PNPLA7: variants seen among roughly 807,000 people sequenced by gnomAD.
PNPLA7 encodes patatin-like phospholipase domain-containing protein 7.
A neutral mutation model predicts 161.7 loss-of-function variants in PNPLA7; 153 were observed. The ratio of observed to expected loss-of-function variants is 0.95; its 90% CI spans 0.83 to 1.08. PNPLA7 has a LOEUF of 1.08. PNPLA7 is among the 50% of genes least tolerant of loss of function. The pLI is 0.00. For synonymous variants in PNPLA7, 809 were observed against 782.1 expected (o/e 1.03, Z -0.57); for missense variants, 1,739 against 1,856.6 (o/e 0.94, Z 1.16).
At chr9:137,545,960 T>G (rs371093652) in intron 4 of PNPLA7, among the ~76,000 whole-genome samples, 4 of 152,120 alleles carry the variant, frequency 2.6e-5, no homozygotes, top group South Asian at 2.1e-4. Flanking sequence ...AGTTCAGAGA[T>G]GACTCTACCC....
chr9:137,534,817 G>T (rs1248290231), intron 8 of PNPLA7, among the ~76,000 whole-genome samples: 2 of 151,922 alleles, frequency 1.3e-5, no homozygotes, highest in Non-Finnish European at 2.9e-5. Context: ...TCCCCGGGTC[G>T]ATACCCAACC....
intron 14 of PNPLA7, among the ~76,000 whole-genome samples, chr9:137,503,078 T>C (rs1319642307): frequency 1.3e-5 from 2 of 151,962 alleles, no homozygotes; most frequent in Admixed American, 1.3e-4. Flanking sequence ...AATTAAAAAG[T>C]TGTTTAAAGA....
intron 14 of PNPLA7, among the ~76,000 whole-genome samples, chr9:137,505,115 G>C (rs1193174954): frequency 1.3e-5 from 2 of 148,652 alleles, no homozygotes; most frequent in African/African-American, 5.0e-5. Flanking sequence ...TTGAATCCAA[G>C]AGGTGGAGGT....
chr9:137,484,497 C>T (rs964327537), intron 21 of PNPLA7, 90 bp downstream of exon 21: 135 of 1,392,236 alleles, frequency 9.7e-5, no homozygotes, highest in South Asian at 4.8e-4. Flanking sequence ...CCCACCGCCG[C>T]GTCCCCTCGA....
rs912404706 is a variant in PNPLA7, at chr9:137,523,192, G to A, written c.748-335C>T. ...GAGGCTCACGGACCAGCTCACCAGC[G>A]TCCTACTCTACGTCCGACATCAGCG... On this transcript the variant is annotated intron_variant, in intron 8 of 34. Transcript: ENST00000406427. The surrounding 1 kb of genome is among the most constrained non-coding windows in gnomAD (Gnocchi z 4.4). Among the ~76,000 whole-genome samples the A allele has an allele frequency of 9.2e-5, 14 of 152,146 alleles. No individual in the cohort carries two copies. Among genetic ancestry groups the A allele is most frequent in the South Asian group, 2.1e-4 (1 of 4,828 alleles).
chr9:137,497,804 C>T (rs772428777), intron 17 of PNPLA7, among the ~76,000 whole-genome samples: 16 of 152,164 alleles, frequency 1.1e-4, no homozygotes, highest in Non-Finnish European at 1.5e-4. Context: ...TGGGATGACA[C>T]GCGTGAGCCA....
chr9:137,522,863 A>C lies in PNPLA7; in HGVS notation c.748-6T>G. ...TTGTAAGGTGCAGCATGGCCCTGTAACAACAGCTCCATCAGTCCCCACTCT... is the reference window on the plus strand; with the variant it reads ...TTGTAAGGTGCAGCATGGCCCTGTACCAACAGCTCCATCAGTCCCCACTCT... On this transcript the variant is annotated splice_region_variant and splice_polypyrimidine_tract_variant and intron_variant, in intron 8 of 34. Transcript: ENST00000406427. The C allele has an allele frequency of 2.5e-6, 4 of 1,613,070 alleles. No individual in the cohort carries two copies. The highest frequency in any genetic ancestry group is 2.5e-6 in the Non-Finnish European group (3 of 1,179,698).
chr9:137,461,997 G>GC lies in PNPLA7; in HGVS notation c.3689dup (p.Arg1231ProfsTer42), dbSNP rs71493670. The GC allele has an allele frequency of 9.7e-3, 15,602 of 1,603,382 alleles. 89 individuals carry two copies. The highest frequency in any genetic ancestry group is 0.012 in the Non-Finnish European group (14,219 of 1,177,206). The stretch of plus-strand genomic sequence containing the variant: ...GCATCTTCTCCAGCACGCCGCTGCG[G>GC]CCCCAGATGTCAAACACCGTGCGCC... On this transcript the variant is annotated frameshift_variant, in exon 32 of 35. Coordinates refer to ENST00000406427, the MANE Select transcript of PNPLA7 (RefSeq NM_001098537.3). LOFTEE classifies it high-confidence loss of function.
intron 18 of PNPLA7, among the ~76,000 whole-genome samples, chr9:137,496,790 G>GC (rs1258307998): frequency 2.0e-5 from 3 of 152,200 alleles, no homozygotes; most frequent in Non-Finnish European, 4.4e-5. Context: ...GAGCTGGGCA[G>GC]CCCCCCACTC....
chr9:137,521,920 G>A (rs894317265), intron 9 of PNPLA7, among the ~76,000 whole-genome samples: 1 of 152,186 alleles, frequency 6.6e-6, no homozygotes, highest in African/African-American at 2.4e-5. Context: ...GGGACAAGGG[G>A]CACATGAAGA....
Position 137,499,322 on chromosome 9 carries a change from A to G in PNPLA7, c.1758-1077T>C, listed in dbSNP as rs34235661. Among the ~76,000 whole-genome samples, 4,364 of 151,476 alleles carry G rather than the reference A, an allele frequency of 0.029. 84 individuals carry two copies. Among genetic ancestry groups the G allele is most frequent in the Middle Eastern group, 0.048 (14 of 290 alleles). On this transcript the variant is annotated intron_variant, in intron 16 of 34. Transcript: ENST00000406427. This position sits in a 1 kb window ranked among gnomAD's most constrained non-coding sequence, Gnocchi z 5.5. ...CACATGCAGACACATGGAGACACACAGAGACACACGCAGACACACGACACA... is the reference window on the plus strand; with the variant it reads ...CACATGCAGACACATGGAGACACACGGAGACACACGCAGACACACGACACA...
chr9:137,462,880 C>G (rs1192741537), intron 29 of PNPLA7, 47 bp from the exon 30 acceptor site: 2 of 1,604,294 alleles, frequency 1.2e-6, no homozygotes, highest in Admixed American at 1.7e-5. Flanking sequence ...GCATGCAGAG[C>G]CAGGGGACGG....
chr9:137,475,806 C>A (rs184212833), intron 25 of PNPLA7, among the ~76,000 whole-genome samples: 10 of 152,248 alleles, frequency 6.6e-5, no homozygotes, highest in Admixed American at 6.5e-4. Flanking sequence ...GGAACCATGC[C>A]TTAAAATTCT....
In PNPLA7 at chr9:137,460,677, T is replaced by C. The variant is rs144637358; in HGVS notation, c.3902A>G (p.Tyr1301Cys). The change falls in exon 34 of 35, where the codon TAC becomes TGC. Residue 1301 changes from tyrosine (Y) to cysteine (C), a missense_variant. Physicochemically the swap from Tyr to Cys is radical, Grantham distance 194. Around this residue, in one of 6 missense-constraint regions of PNPLA7, gnomAD observed 703 missense variants for 694.6 expected, o/e 1.01. Transcript: ENST00000406427. ...EELLDVPRDA[Y>C]ADFQSTSAQQ... is the part of the protein sequence containing the mutation. ...GGCTGAGGTGCTCTGGAAGTCTGCG[T>C]ATGCATCCCTGGGGACGTCCAGCAG... 22 of 1,612,734 alleles carry C rather than the reference T, an allele frequency of 1.4e-5. No homozygotes were observed. The highest frequency in any genetic ancestry group is 1.6e-4 in the Middle Eastern group (1 of 6,080).
At chr9:137,534,906 G>A (rs9314659) in intron 8 of PNPLA7, among the ~76,000 whole-genome samples, 1 of 139,112 alleles carries the variant, frequency 7.2e-6, no homozygotes, top group African/African-American at 3.2e-5. Context: ...CTCGAACCGC[G>A]CGTTCTAACA....
At chr9:137,498,938 G>A (rs1460236581) in intron 16 of PNPLA7, among the ~76,000 whole-genome samples, 4 of 152,184 alleles carry the variant, frequency 2.6e-5, no homozygotes, top group South Asian at 4.1e-4. Flanking sequence ...AAGAGCAAAC[G>A]TGGAATCAGG....
In PNPLA7 at chr9:137,527,051, G is replaced by A. The variant is rs546120523; in HGVS notation, c.748-4194C>T. ...TGGGAGGCCGAGGCAGGTAGATCAC[G>A]AGGTCAGGAATTCAAGACCAGCCTG... On this transcript the variant is annotated intron_variant, in intron 8 of 34. Coordinates refer to ENST00000406427, the MANE Select transcript of PNPLA7 (RefSeq NM_001098537.3). 5.3e-5 allele frequency among the ~76,000 whole-genome samples: 8 copies of A among 152,062 alleles called. No individual in the cohort carries two copies. The South Asian group carries it at 8.3e-4, about 16-fold the overall frequency.
intron 25 of PNPLA7, among the ~76,000 whole-genome samples, chr9:137,471,053 G>A (rs138096654): frequency 6.6e-6 from 1 of 152,360 alleles, no homozygotes; most frequent in Non-Finnish European, 1.5e-5. Flanking sequence ...CCACAGTGCA[G>A]CGGTGGTTCC....
intron 25 of PNPLA7, among the ~76,000 whole-genome samples, chr9:137,473,602 A>G (rs757865595): frequency 1.3e-5 from 2 of 152,250 alleles, no homozygotes; most frequent in Non-Finnish European, 2.9e-5. Flanking sequence ...CCTTCGATAC[A>G]ATAGTAAAAG....
Sources: allele counts gnomAD v4.1 joint callset (sites outside exome capture counted in the v4.1 genomes callset), GRCh38; gene constraint gnomAD v4.1.1; regional missense constraint gnomAD v4.1.1; non-coding constraint Gnocchi (gnomAD v3.1); transcripts MANE v1.5; gene names NCBI Gene and HGNC (gene_info 2026-07-23, HGNC 2026-07-21).